CCDC27: variants seen among roughly 807,000 people sequenced by gnomAD.
CCDC27 encodes the protein coiled-coil domain containing 27, also known as coiled-coil domain-containing protein 27.
Under a neutral mutation model 80.3 loss-of-function variants are expected in CCDC27, and 80 were observed. The observed-to-expected ratio is 1.00, with a 90% confidence interval of 0.83 to 1.20. CCDC27 has a LOEUF of 1.20. Among genes scored for constraint, CCDC27 ranks in the 50% most tolerant of loss-of-function variants. The pLI, the probability that CCDC27 is intolerant of heterozygous loss-of-function variation, is 0.00. For missense variants in CCDC27, 815 were observed against 809.4 expected (o/e 1.01, Z -0.08); for synonymous variants, 342 against 334.3 (o/e 1.02, Z -0.25).
intron 11 of CCDC27, among the ~76,000 whole-genome samples, chr1:3,771,175 C>A (rs1175552): frequency 0.23 from 34,237 of 152,144 alleles, 4,164 homozygotes; most frequent in Middle Eastern, 0.27. Context: ...TGGGAATATT[C>A]CCACCACAGA....
rs1300379057 is a variant in CCDC27 at position 3,755,358 on chromosome 1, T to C, written c.443-99T>C. 5.9e-6 allele frequency: 6 copies of C among 1,016,958 alleles called. No individual in the cohort carries two copies. In the African/African-American group the frequency reaches 6.3e-5, roughly 11 times the overall value. The allele number at this position is 1,016,958 out of a possible 1,614,324, so 63.0% of individuals were successfully genotyped here. A position where few individuals can be genotyped will look rare whatever the true frequency, so the allele number is the denominator to read the frequency against. On this transcript the variant is annotated intron_variant, in intron 2 of 11. Transcript: ENST00000294600. ...CATCCATTAAAAAAAGCCACCTGTG[T>C]CCCTACCTGGTGTTTAAGGATAAAT... is the stretch of plus-strand genomic sequence containing the variant.
rs757896768 is a variant in CCDC27 at position 3,754,121 on chromosome 1, G to A, written c.322G>A (p.Glu108Lys). The change falls in exon 2 of 12, where the codon GAA becomes AAA. Residue 108 changes from glutamate (E) to lysine (K), a missense_variant. Coordinates refer to ENST00000294600, the MANE Select transcript of CCDC27 (RefSeq NM_152492.3). Reference sequence around the variant, plus strand: ...CTTACTTTCCCCGCTCTGCCAGAGTGAACCCAAGGATGCCGCCAGCCTCAC... The same window carrying A: ...CTTACTTTCCCCGCTCTGCCAGAGTAAACCCAAGGATGCCGCCAGCCTCAC... ...TISRYYRKTS[E>K]PKDAASLTGF... 6.2e-7 allele frequency: 1 copy of A among 1,613,432 alleles called. No individual in the cohort carries two copies. Among genetic ancestry groups the A allele is most frequent in the South Asian group, 1.1e-5 (1 of 91,030 alleles).
chr1:3,755,705 C>G, intron 3 of CCDC27, 138 bp downstream of exon 3: 1 of 694,506 alleles, frequency 1.4e-6, no homozygotes, highest in Admixed American at 2.3e-5. Flanking sequence ...CACAGAAAGG[C>G]CTCCGGGCCT....
At chr1:3,770,465 T>C (rs772862915) in intron 11 of CCDC27, among the ~76,000 whole-genome samples, 1 of 152,176 alleles carries the variant, frequency 6.6e-6, no homozygotes, top group Non-Finnish European at 1.5e-5. Context: ...TTCTGAGCCA[T>C]AGATGCCTCC....
At chr1:3,755,323 C>G in intron 2 of CCDC27, 134 bp from the exon 3 acceptor site, 1 of 731,440 alleles carries the variant, frequency 1.4e-6, no homozygotes, top group South Asian at 1.6e-5. Flanking sequence ...AGCCCTTGCT[C>G]AGTCCCATGC....
rs10910021 is a variant in CCDC27, at chr1:3,752,641, C to G, written c.160C>G (p.Gln54Glu). ...LMLPKEASPS[Q>E]RHSSMSSSMA... ...GTTACCTAAGGAGGCCAGCCCATCT[C>G]AGAGGCACAGTTCGATGTCCAGCTC... The change falls in exon 1 of 12, where the codon CAG becomes GAG. Residue 54 changes from glutamine (Q) to glutamate (E), a missense_variant. By Grantham distance (29) the Gln-to-Glu change is conservative. Transcript: ENST00000294600. 0.36 allele frequency: 584,157 copies of G among 1,613,694 alleles called. 106,939 individuals are homozygous for G. Among genetic ancestry groups the G allele is most frequent in the Middle Eastern group, 0.46 (2,775 of 6,062 alleles).
chr1:3,761,096 C>T lies in CCDC27; in HGVS notation c.712-185C>T, dbSNP rs974993955. On this transcript the variant is annotated intron_variant, in intron 4 of 11. Coordinates refer to ENST00000294600, the MANE Select transcript of CCDC27 (RefSeq NM_152492.3). This position sits in a 1 kb window ranked among gnomAD's most constrained non-coding sequence, Gnocchi z 5.0. Reference sequence around the variant, plus strand: ...GCATGGCTGCAGTAAAGAGCTGGCACATCTTGATCTCCAGATGTGTAGTGC... The same window carrying T: ...GCATGGCTGCAGTAAAGAGCTGGCATATCTTGATCTCCAGATGTGTAGTGC... Among the ~76,000 whole-genome samples, 1 of 152,216 alleles carries T rather than the reference C, an allele frequency of 6.6e-6. No individual in the cohort carries two copies. Among genetic ancestry groups the T allele is most frequent in the African/African-American group, 2.4e-5 (1 of 41,446 alleles).
rs754568713 is a variant in CCDC27 at position 3,756,931 on chromosome 1, C to T, written c.711+41C>T. ...GTGCAAATCCCGGCCCCCCACCCCT[C>T]TCTCTGCGTCCGGCTGGGAGGACAG... On this transcript the variant is annotated intron_variant, in intron 4 of 11. Transcript: ENST00000294600. 1.1e-5 allele frequency: 17 copies of T among 1,587,544 alleles called. No homozygotes were observed. In the Admixed American group the frequency reaches 1.7e-4, roughly 16 times the overall value.
intron 8 of CCDC27, among the ~76,000 whole-genome samples, chr1:3,765,734 A>T (rs923579738): frequency 2.0e-5 from 3 of 152,202 alleles, no homozygotes; most frequent in Non-Finnish European, 4.4e-5. Context: ...GGTGTCTGTC[A>T]TTCATCTGAG....
rs576549571 is a variant in CCDC27, at chr1:3,769,096, G to T, written c.1744-687G>T. Among the ~76,000 whole-genome samples, 1 of 152,180 alleles carries T rather than the reference G, an allele frequency of 6.6e-6. No homozygotes were observed. The highest frequency in any genetic ancestry group is 2.1e-4 in the South Asian group (1 of 4,824). ...TCTGGACGAGGAACTCGTGCTGAGC[G>T]TGCCGCATAACTCAAGGGGTTCCTG... On this transcript the variant is annotated intron_variant, in intron 10 of 11. Transcript: ENST00000294600. The surrounding 1 kb of genome is among the most constrained non-coding windows in gnomAD (Gnocchi z 4.6).
Position 3,752,756 on chromosome 1 carries a change from T to G in CCDC27, c.275T>G (p.Leu92Arg). Reference protein sequence around the residue: ...EWKPHQKPRTLSKSVQTISRY... With the variant: ...EWKPHQKPRTRSKSVQTISRY... ...AAACCGCACCAAAAGCCACGCACGC[T>G]CAGCAAGTCGGTCCAGACCATCAGC... The change falls in exon 1 of 12, where the codon CTC (leucine) becomes CGC (arginine). Residue 92 changes from leucine to arginine, a missense_variant. By Grantham distance (102) the Leu-to-Arg change is moderately radical. Coordinates refer to ENST00000294600, the MANE Select transcript of CCDC27 (RefSeq NM_152492.3). The G allele has an allele frequency of 6.2e-7, 1 of 1,613,534 alleles. No homozygotes were observed. The highest frequency in any genetic ancestry group is 8.5e-7 in the Non-Finnish European group (1 of 1,179,994).
At chr1:3,755,730 T>A in intron 3 of CCDC27, 163 bp downstream of exon 3, 1 of 621,360 alleles carries the variant, frequency 1.6e-6, no homozygotes, top group Non-Finnish European at 2.9e-6. Context: ...TGTGCAGAAC[T>A]AGCCCTGCCT....
In CCDC27 at chr1:3,771,470, CA is replaced by C; in HGVS notation, c.1920del (p.Gln640HisfsTer7). The C allele has an allele frequency of 1.2e-6, 2 of 1,614,030 alleles. No homozygotes were observed. The highest frequency in any genetic ancestry group is 1.7e-6 in the Non-Finnish European group (2 of 1,179,990). ...KQKGVKVPPL[Q>X]QSEAFLTSKS... ...GAAAGGCGTCAAAGTGCCCCCCCTG[CA>C]ACAGTCAGAGGCCTTCCTGACCAGC... On this transcript the variant is annotated frameshift_variant, in exon 12 of 12. Coordinates refer to ENST00000294600, the MANE Select transcript of CCDC27 (RefSeq NM_152492.3). LOFTEE classifies it low-confidence loss of function (END_TRUNC).
At chr1:3,758,870 A>G (rs757149133) in intron 4 of CCDC27, among the ~76,000 whole-genome samples, 1 of 152,080 alleles carries the variant, frequency 6.6e-6, no homozygotes. Flanking sequence ...GTGCTGGGAT[A>G]GCAGGTGTGA....
chr1:3,755,300 C>T (rs1397368325), intron 2 of CCDC27, among the ~76,000 whole-genome samples, 157 bp from the exon 3 acceptor site: 2 of 152,174 alleles, frequency 1.3e-5, no homozygotes, highest in African/African-American at 4.8e-5. Context: ...GGATGAAGCC[C>T]ACCCTTTGGT....
intron 4 of CCDC27, among the ~76,000 whole-genome samples, chr1:3,757,800 T>TAG (rs996825801): frequency 3.3e-5 from 5 of 151,728 alleles, no homozygotes; most frequent in African/African-American, 4.8e-5. Context: ...TGGGTGCCTG[T>TAG]AGTCCCAGCT....
chr1:3,756,718 C>A lies in CCDC27; in HGVS notation c.554-15C>A, dbSNP rs759066510. 12 of 1,613,232 alleles carry A rather than the reference C, an allele frequency of 7.4e-6. No homozygotes were observed. Among genetic ancestry groups the A allele is most frequent in the Non-Finnish European group, 1.0e-5 (12 of 1,179,610 alleles). ...AAGGGTCTCATTTCTCACTTGGCCT[C>A]CGCTGTCGCCACAGGGTACCTCCTT... On this transcript the variant is annotated splice_polypyrimidine_tract_variant and intron_variant, in intron 3 of 11. Transcript: ENST00000294600.
At chr1:3,767,516 C>T (rs910354565) in intron 10 of CCDC27, 71 bp downstream of exon 10, 27 of 1,385,720 alleles carry the variant, frequency 1.9e-5, no homozygotes, top group South Asian at 4.1e-5. Context: ...CTCTGCCCAC[C>T]GCCCACCGAG....
chr1:3,762,589 G>C, intron 5 of CCDC27, 31 bp from the exon 6 acceptor site: 1 of 1,541,372 alleles, frequency 6.5e-7, no homozygotes, highest in South Asian at 1.2e-5. Flanking sequence ...GGAGGGGCTG[G>C]AAAGCTGAGG....
Sources: gnomAD v4.1 joint callset for allele counts (sites outside exome capture counted in the v4.1 genomes callset) on GRCh38, gnomAD v4.1.1 for gene constraint, Gnocchi (gnomAD v3.1) non-coding constraint, MANE v1.5 for transcripts, NCBI Gene and HGNC (gene_info 2026-07-23, HGNC 2026-07-21) for gene names.